The following DOCK1 variants were observed in gnomAD, a reference collection of about 807,000 sequenced individuals.
The protein encoded by DOCK1 is dedicator of cytokinesis protein 1.
Under a neutral mutation model 262.7 loss-of-function variants are expected in DOCK1, and 138 were observed. The ratio of observed to expected loss-of-function variants is 0.53; its 90% CI spans 0.46 to 0.61. The LOEUF (loss-of-function observed/expected upper bound fraction) is 0.61. Among genes scored for constraint, DOCK1 ranks in the 20% least tolerant of loss-of-function variants. DOCK1 has a pLI of 0.00. For synonymous variants in DOCK1, 866 were observed against 867.4 expected (o/e 1.00, Z 0.03); for missense variants, 1,908 against 2,370.7 (o/e 0.80, Z 4.05).
chr10:127,420,895 CAGTT>C (rs1481592030), intron 46 of DOCK1, among the ~76,000 whole-genome samples: 1 of 109,418 alleles, frequency 9.1e-6, no homozygotes, highest in Non-Finnish European at 1.8e-5. Context: ...TCACCGTGAG[CAGTT>C]TATTTGTTTG....
intron 27 of DOCK1, among the ~76,000 whole-genome samples, chr10:127,231,916 G>C (rs1364753564): frequency 2.6e-5 from 4 of 152,154 alleles, no homozygotes; most frequent in Non-Finnish European, 5.9e-5. Flanking sequence ...GTGTCACCTA[G>C]GTAAAGGCTG....
intron 23 of DOCK1, among the ~76,000 whole-genome samples, chr10:127,096,566 A>C (rs7083125): frequency 0.23 from 34,416 of 151,870 alleles, 5,514 homozygotes; most frequent in African/African-American, 0.46. Context: ...TAACTCTTCT[A>C]ATCTTATATA....
At chr10:127,039,530 G>A (rs528791154) in intron 19 of DOCK1, among the ~76,000 whole-genome samples, 7 of 152,064 alleles carry the variant, frequency 4.6e-5, no homozygotes, top group East Asian at 3.9e-4. Context: ...CTTCCTGTGC[G>A]TGCTGGTACC....
chr10:126,949,976 CATT>C (rs1190404828), intron 1 of DOCK1, among the ~76,000 whole-genome samples: 290 of 152,046 alleles, frequency 1.9e-3, no homozygotes, highest in African/African-American at 6.8e-3. Flanking sequence ...GGGTCAGAAA[CATT>C]AGCCCCCCAA....
intron 35 of DOCK1, among the ~76,000 whole-genome samples, chr10:127,374,974 T>TA (rs1461329014): frequency 3.3e-5 from 5 of 152,264 alleles, no homozygotes; most frequent in Non-Finnish European, 7.3e-5. Context: ...GGTAATTTGT[T>TA]ACAGCAGCCA....
At chr10:126,986,699 C>T (rs574969126) in intron 4 of DOCK1, among the ~76,000 whole-genome samples, 2 of 152,284 alleles carry the variant, frequency 1.3e-5, no homozygotes, top group Non-Finnish European at 2.9e-5. Context: ...CACCTGAAGT[C>T]AGGCGTTCAA....
intron 46 of DOCK1, among the ~76,000 whole-genome samples, chr10:127,423,522 T>C (rs539281715): frequency 6.6e-6 from 1 of 152,292 alleles, no homozygotes; most frequent in South Asian, 2.1e-4. Context: ...TGAGTCACTT[T>C]CTCAAAGGCA....
chr10:127,416,168 T>A (rs1305239628), intron 44 of DOCK1, among the ~76,000 whole-genome samples: 4 of 152,244 alleles, frequency 2.6e-5, no homozygotes, highest in Admixed American at 2.6e-4. Flanking sequence ...CACTGCTTTA[T>A]ACTCAAAGCA....
At chr10:127,378,121 C>A (rs1448173349) in intron 35 of DOCK1, among the ~76,000 whole-genome samples, 1 of 152,164 alleles carries the variant, frequency 6.6e-6, no homozygotes, top group African/African-American at 2.4e-5. Context: ...TGCTTCTGTG[C>A]AGTCATCCAC....
chr10:126,957,147 A>T (rs1185359507), intron 1 of DOCK1, among the ~76,000 whole-genome samples: 1 of 152,198 alleles, frequency 6.6e-6, no homozygotes, highest in Non-Finnish European at 1.5e-5. Context: ...TTGGTTTTTA[A>T]TCTTCAATTT....
chr10:127,205,220 C>T (rs1177000462), intron 27 of DOCK1, among the ~76,000 whole-genome samples: 3 of 152,012 alleles, frequency 2.0e-5, no homozygotes, highest in African/African-American at 7.3e-5. Flanking sequence ...GGTAGAGAAC[C>T]AACATCTTCA....
intron 27 of DOCK1, among the ~76,000 whole-genome samples, chr10:127,189,618 T>C (rs1241975643): frequency 6.6e-6 from 1 of 152,230 alleles, no homozygotes. Context: ...AACAACTACC[T>C]TTAAAACTAA....
At chr10:127,239,135 C>T (rs1215335620) in intron 27 of DOCK1, among the ~76,000 whole-genome samples, 1 of 152,082 alleles carries the variant, frequency 6.6e-6, no homozygotes, top group African/African-American at 2.4e-5. Context: ...CCACAGTAGG[C>T]GATTTTGAAA....
At chr10:127,382,032 C>T (rs1440908156) in intron 37 of DOCK1, among the ~76,000 whole-genome samples, 1 of 152,138 alleles carries the variant, frequency 6.6e-6, no homozygotes, top group Non-Finnish European at 1.5e-5. Context: ...TTTTATATTT[C>T]ACAACCTCAG....
chr10:127,361,493 A>G (rs764889864), intron 32 of DOCK1, among the ~76,000 whole-genome samples: 12 of 152,168 alleles, frequency 7.9e-5, no homozygotes, highest in Non-Finnish European at 1.8e-4. Flanking sequence ...TTAGGGTTTC[A>G]GCCTCAGATT....
rs575962615 is a variant in DOCK1 at position 127,125,599 on chromosome 10, G to C, written c.2749G>C (p.Val917Leu). The C allele has an allele frequency of 6.2e-7, 1 of 1,613,546 alleles. No individual in the cohort carries two copies. The highest frequency in any genetic ancestry group is 1.7e-5 in the Admixed American group (1 of 59,984). ...HILEVLYRKD[V>L]GPTQRHVQII... Reference sequence around the variant, plus strand: ...CCTGGAGGTGCTGTACAGGAAGGACGTGGTGAGTGTTGGCTCTGTGCGTGA... The same window carrying C: ...CCTGGAGGTGCTGTACAGGAAGGACCTGGTGAGTGTTGGCTCTGTGCGTGA... The change falls in exon 26 of 52, where the codon GTG becomes CTG. Residue 917 changes from valine (V) to leucine (L), a missense_variant and splice_region_variant. Val to Leu is a conservative substitution (Grantham distance 32). This residue lies in a region of DOCK1 where 518 missense variants were observed against 575.1 expected (regional missense o/e 0.90). Coordinates refer to ENST00000623213, the MANE Select transcript of DOCK1 (RefSeq NM_001290223.2).
At chr10:126,954,205 A>G (rs2134444345) in intron 1 of DOCK1, among the ~76,000 whole-genome samples, 1 of 152,388 alleles carries the variant, frequency 6.6e-6, no homozygotes, top group South Asian at 2.1e-4. Flanking sequence ...TGACTATTAA[A>G]ATATAACATT....
intron 27 of DOCK1, among the ~76,000 whole-genome samples, chr10:127,200,403 A>G (rs574622314): frequency 6.6e-6 from 1 of 152,220 alleles, no homozygotes; most frequent in African/African-American, 2.4e-5. Context: ...GCAAGAATCG[A>G]TATTATCTGT....
At chr10:127,280,234 C>T (rs1323867143) in intron 29 of DOCK1, among the ~76,000 whole-genome samples, 4 of 151,508 alleles carry the variant, frequency 2.6e-5, no homozygotes, top group Admixed American at 2.0e-4. Flanking sequence ...CGGGGTTTCA[C>T]CGTTTTAGCC....
Sources: gnomAD v4.1 joint callset for allele counts (sites outside exome capture counted in the v4.1 genomes callset) on GRCh38, gnomAD v4.1.1 for gene constraint, gnomAD v4.1.1 regional missense constraint, MANE v1.5 for transcripts, NCBI Gene and HGNC (gene_info 2026-07-23, HGNC 2026-07-21) for gene names.